COG5: variants seen among roughly 807,000 people sequenced by gnomAD.
The protein encoded by COG5 is component of oligomeric golgi complex 5.
Under a neutral mutation model 110.4 loss-of-function variants are expected in COG5, and 86 were observed. The ratio of observed to expected loss-of-function variants is 0.78; its 90% CI spans 0.65 to 0.93. The LOEUF is 0.93. COG5 is among the 40% of genes least tolerant of loss of function. COG5 has a pLI of 0.00. For synonymous variants in COG5, 360 were observed against 334.6 expected, an observed-to-expected ratio of 1.08 and a Z score of -0.83; for missense variants, 1,077 against 987.0, an observed-to-expected ratio of 1.09 and a Z score of -1.22.
intron 6 of COG5, among the ~76,000 whole-genome samples, chr7:107,484,082 A>G (rs1391437478): frequency 1.3e-5 from 2 of 152,038 alleles, no homozygotes; most frequent in Non-Finnish European, 2.9e-5. Flanking sequence ...TAACTTTAGC[A>G]TTTTATTTTT....
In COG5 at chr7:107,431,186, T is replaced by C. The variant is rs145196869; in HGVS notation, c.539-18554A>G. On this transcript the variant is annotated intron_variant, in intron 6 of 21. Transcript: ENST00000297135. Reference sequence around the variant, plus strand: ...TTTAAGCCATCAAATTTGTGGTAATTTGTTACAGCATCCCTAATGAACTAA... The same window carrying C: ...TTTAAGCCATCAAATTTGTGGTAATCTGTTACAGCATCCCTAATGAACTAA... Among the ~76,000 whole-genome samples, 5 of 152,350 alleles carry C rather than the reference T, an allele frequency of 3.3e-5. No individual in the cohort carries two copies. In the East Asian group the frequency reaches 9.6e-4, roughly 29 times the overall value.
chr7:107,384,315 G>C (rs1815379329), intron 7 of COG5, among the ~76,000 whole-genome samples: 1 of 152,102 alleles, frequency 6.6e-6, no homozygotes, highest in Non-Finnish European at 1.5e-5. Context: ...CTTTAGAGGG[G>C]GGAATGAAAC....
At chr7:107,410,842 A>C (rs1792229885) in intron 7 of COG5, among the ~76,000 whole-genome samples, 1 of 152,186 alleles carries the variant, frequency 6.6e-6, no homozygotes, top group Non-Finnish European at 1.5e-5. Context: ...AAAGGAAGAG[A>C]CACTGGAGAC....
At chr7:107,424,367 A>G (rs1368327304) in intron 6 of COG5, among the ~76,000 whole-genome samples, 2 of 152,058 alleles carry the variant, frequency 1.3e-5, no homozygotes, top group African/African-American at 2.4e-5. Flanking sequence ...TTTCACATGG[A>G]AACTTTTGGG....
At chr7:107,258,472 A>ACC in intron 14 of COG5, 89 bp from the exon 15 acceptor site, 1 of 795,424 alleles carries the variant, frequency 1.3e-6, no homozygotes, top group South Asian at 1.4e-5. Context: ...ATACACACAC[A>ACC]CACACACATT....
intron 6 of COG5, among the ~76,000 whole-genome samples, chr7:107,502,547 T>C (rs1014668752): frequency 2.6e-5 from 4 of 152,136 alleles, no homozygotes; most frequent in Admixed American, 2.0e-4. Context: ...AGTAGTGGGA[T>C]TGCTGGATTG....
intron 2 of COG5, among the ~76,000 whole-genome samples, chr7:107,556,198 T>C (rs1325400048): frequency 6.6e-6 from 1 of 152,188 alleles, no homozygotes; most frequent in African/African-American, 2.4e-5. Context: ...CTTCCAGGCC[T>C]CTGTATTGCA....
intron 6 of COG5, among the ~76,000 whole-genome samples, chr7:107,445,132 T>C (rs1431848436): frequency 6.6e-6 from 1 of 151,762 alleles, no homozygotes; most frequent in Non-Finnish European, 1.5e-5. Context: ...GCCCAGGAGC[T>C]CGAAGCTGCA....
intron 7 of COG5, among the ~76,000 whole-genome samples, chr7:107,396,524 G>C (rs1383662564): frequency 8.3e-6 from 1 of 119,764 alleles, no homozygotes; most frequent in African/African-American, 3.1e-5. Flanking sequence ...GAAAGGCCAG[G>C]GGGGTGAGGA....
chr7:107,283,578 T>C lies in COG5; in HGVS notation c.1468A>G (p.Ile490Val), dbSNP rs765631880. 4.3e-6 allele frequency: 7 copies of C among 1,613,746 alleles called. No homozygotes were observed. Among genetic ancestry groups the C allele is most frequent in the Non-Finnish European group, 4.2e-6 (5 of 1,179,816 alleles). The stretch of plus-strand genomic sequence containing the variant: ...TATATAAAAAATACATACCTTGCTA[T>C]AGTTTTAATAATACCATCAAGTTCA... ...SDELDGIIKTIASELNVAAVD... is the reference protein window; with the variant it reads ...SDELDGIIKTVASELNVAAVD... The change falls in exon 13 of 22, where the codon ATA (isoleucine) becomes GTA (valine). Residue 490 changes from isoleucine to valine, a missense_variant. Ile to Val is a conservative substitution (Grantham distance 29). Transcript: ENST00000297135.
At chr7:107,412,408 A>G (rs570403149) in intron 7 of COG5, 94 bp downstream of exon 7, 52 of 1,164,452 alleles carry the variant, frequency 4.5e-5, no homozygotes, top group Admixed American at 8.7e-5. Flanking sequence ...ATATATTACT[A>G]TAAGACATAT....
chr7:107,533,043 G>C (rs1801324294), intron 5 of COG5, among the ~76,000 whole-genome samples: 1 of 147,858 alleles, frequency 6.8e-6, no homozygotes, highest in South Asian at 2.1e-4. Context: ...AGGGTCTGGA[G>C]TGGACCCGCA....
intron 6 of COG5, among the ~76,000 whole-genome samples, chr7:107,492,418 T>C (rs1057346213): frequency 1.3e-5 from 2 of 152,072 alleles, no homozygotes; most frequent in African/African-American, 4.8e-5. Flanking sequence ...GAAGGTAAAG[T>C]CCAAAACAGG....
chr7:107,527,044 A>C (rs1051299174), intron 6 of COG5, among the ~76,000 whole-genome samples, 193 bp downstream of exon 6: 3 of 152,210 alleles, frequency 2.0e-5, no homozygotes, highest in African/African-American at 7.2e-5. Flanking sequence ...AATTAAAATA[A>C]ATAGCATTTC....
intron 5 of COG5, among the ~76,000 whole-genome samples, chr7:107,539,761 A>G (rs1801842859): frequency 6.6e-6 from 1 of 152,234 alleles, no homozygotes; most frequent in Admixed American, 6.5e-5. Flanking sequence ...TGTGACTTCT[A>G]ACAATGATGG....
intron 6 of COG5, among the ~76,000 whole-genome samples, chr7:107,445,015 C>G (rs2129088881): frequency 6.6e-6 from 1 of 152,178 alleles, no homozygotes; most frequent in African/African-American, 2.4e-5. Flanking sequence ...TAGCAAAACC[C>G]TGTCTCTACA....
At chr7:107,407,432 T>A (rs1208297897) in intron 7 of COG5, among the ~76,000 whole-genome samples, 1 of 152,072 alleles carries the variant, frequency 6.6e-6, no homozygotes, top group Non-Finnish European at 1.5e-5. Flanking sequence ...TAGTGTTTTA[T>A]CCAATTATTT....
chr7:107,508,039 G>A (rs190364489), intron 6 of COG5, among the ~76,000 whole-genome samples: 1 of 152,356 alleles, frequency 6.6e-6, no homozygotes, highest in African/African-American at 2.4e-5. Context: ...GTGCAAGACA[G>A]TGGGTGCAAC....
At chr7:107,316,919 A>G (rs1808817356) in intron 11 of COG5, among the ~76,000 whole-genome samples, 1 of 152,104 alleles carries the variant, frequency 6.6e-6, no homozygotes, top group Non-Finnish European at 1.5e-5. Flanking sequence ...CCCATATAAT[A>G]TTCTGAAATA....
Sources: gnomAD v4.1 joint callset for allele counts (sites outside exome capture counted in the v4.1 genomes callset) on GRCh38, gnomAD v4.1.1 for gene constraint, MANE v1.5 for transcripts, NCBI Gene and HGNC (gene_info 2026-07-23, HGNC 2026-07-21) for gene names.